CNTNAP2: variants seen among roughly 807,000 people sequenced by gnomAD.
CNTNAP2 encodes contactin associated protein 2.
In CNTNAP2, 98 loss-of-function variants were observed where a neutral mutation model predicts 155.2. The ratio of observed to expected loss-of-function variants is 0.63; its 90% confidence interval spans 0.54 to 0.75. The LOEUF (loss-of-function observed/expected upper bound fraction) is 0.75, where lower values mean the gene tolerates loss of function less well. CNTNAP2 is among the 30% of genes least tolerant of loss of function. The pLI, the probability that CNTNAP2 is intolerant of heterozygous loss-of-function variation, is 0.00. For missense variants in CNTNAP2, 1,727 were observed against 1,688.1 expected, an observed-to-expected ratio of 1.02 and a Z score of -0.40; for synonymous variants, 651 against 631.2, an observed-to-expected ratio of 1.03 and a Z score of -0.47.
chr7:146,195,708 C>T (rs1218512794), intron 1 of CNTNAP2, among the ~76,000 whole-genome samples: 1 of 152,138 alleles, frequency 6.6e-6, no homozygotes, highest in Non-Finnish European at 1.5e-5. Context: ...GGTGACCAGC[C>T]AGCCCAGCAG....
Position 147,395,686 on chromosome 7 carries a change from G to A in CNTNAP2, c.1576G>A (p.Val526Met). 1.2e-6 allele frequency: 2 copies of A among 1,612,642 alleles called. No individual in the cohort carries two copies. ...CCAAGGATGCATGCAGCTCATTCAAGTGGACGATCAACTTGTAAATTTATA... is the reference window on the plus strand; with the variant it reads ...CCAAGGATGCATGCAGCTCATTCAAATGGACGATCAACTTGTAAATTTATA... Reference protein sequence around the residue: ...SFQGCMQLIQVDDQLVNLYEV... With the variant: ...SFQGCMQLIQMDDQLVNLYEV... The change falls in exon 10 of 24, where the codon GTG (valine) becomes ATG (methionine). Residue 526 changes from valine (V) to methionine (M), a missense_variant. Transcript: ENST00000361727.
At chr7:146,482,313 G>T (rs1363167594) in intron 1 of CNTNAP2, among the ~76,000 whole-genome samples, 1 of 151,192 alleles carries the variant, frequency 6.6e-6, no homozygotes, top group Non-Finnish European at 1.5e-5. Context: ...GTAAATTAAG[G>T]GCATGTATTC....
intron 1 of CNTNAP2, among the ~76,000 whole-genome samples, chr7:146,533,189 A>G (rs2129139557): frequency 6.6e-6 from 1 of 150,932 alleles, no homozygotes; most frequent in East Asian, 2.0e-4. Context: ...ATTTTGCAAA[A>G]ATTTTATGAA....
At chr7:146,705,200 C>T (rs913290194) in intron 1 of CNTNAP2, among the ~76,000 whole-genome samples, 1 of 152,088 alleles carries the variant, frequency 6.6e-6, no homozygotes, top group African/African-American at 2.4e-5. Context: ...TAACTTGCAT[C>T]ATCAGTTTGA....
At chr7:147,852,428 G>A in intron 13 of CNTNAP2, among the ~76,000 whole-genome samples, 1 of 152,200 alleles carries the variant, frequency 6.6e-6, no homozygotes, top group Middle Eastern at 3.4e-3. Context: ...GATTAGATGA[G>A]ACAAAACCCA....
chr7:148,075,783 C>T (rs1803472601), intron 15 of CNTNAP2, among the ~76,000 whole-genome samples: 1 of 152,232 alleles, frequency 6.6e-6, no homozygotes, highest in African/African-American at 2.4e-5. Context: ...TGTAATTCCA[C>T]AAATCCGTTG....
intron 21 of CNTNAP2, among the ~76,000 whole-genome samples, chr7:148,280,155 A>C (rs536855026): frequency 6.6e-6 from 1 of 152,148 alleles, no homozygotes; most frequent in East Asian, 1.9e-4. Flanking sequence ...TAAAAATATA[A>C]AAATTAGCCA....
chr7:146,396,342 T>C (rs1172180922), intron 1 of CNTNAP2, among the ~76,000 whole-genome samples: 1 of 152,120 alleles, frequency 6.6e-6, no homozygotes, highest in Non-Finnish European at 1.5e-5. Flanking sequence ...TTTAATCATA[T>C]GATATTTTAA....
At chr7:147,920,267 A>T (rs779252865) in intron 14 of CNTNAP2, among the ~76,000 whole-genome samples, 94 of 150,280 alleles carry the variant, frequency 6.3e-4, no homozygotes, top group Middle Eastern at 6.8e-3. Context: ...GAGGCAGGAG[A>T]ATCACTTGAA....
At chr7:148,334,807 C>G (rs1410729034) in intron 21 of CNTNAP2, among the ~76,000 whole-genome samples, 1 of 152,192 alleles carries the variant, frequency 6.6e-6, no homozygotes, top group Non-Finnish European at 1.5e-5. Flanking sequence ...GGAACTCCAG[C>G]AATCATTGGG....
At chr7:148,292,142 AAGAC>A (rs2116482439) in intron 21 of CNTNAP2, among the ~76,000 whole-genome samples, 1 of 152,306 alleles carries the variant, frequency 6.6e-6, no homozygotes, top group South Asian at 2.1e-4. Flanking sequence ...TTTTTTGTAA[AAGAC>A]AGGTTTTCAC....
intron 12 of CNTNAP2, among the ~76,000 whole-genome samples, chr7:147,567,980 G>A (rs1800207134): frequency 6.6e-6 from 1 of 152,174 alleles, no homozygotes; most frequent in Non-Finnish European, 1.5e-5. Flanking sequence ...CAGCTACACA[G>A]GAGGCTGAGA....
rs575629484 is a variant in CNTNAP2, at chr7:147,044,077, T to C, written c.550+23T>C. 42 of 1,613,870 alleles carry C rather than the reference T, an allele frequency of 2.6e-5. No homozygotes were observed. The Admixed American group carries it at 3.3e-4, about 13-fold the overall frequency. On this transcript the variant is annotated intron_variant, in intron 4 of 23. Coordinates refer to ENST00000361727, the MANE Select transcript of CNTNAP2 (RefSeq NM_014141.6). Reference sequence around the variant, plus strand: ...ACTGTGAGTATCGTATTGTTTAAATTTGTGGCAGGTTTTATCTTTATTTAA... The same window carrying C: ...ACTGTGAGTATCGTATTGTTTAAATCTGTGGCAGGTTTTATCTTTATTTAA...
At chr7:146,156,117 A>G (rs1455381032) in intron 1 of CNTNAP2, among the ~76,000 whole-genome samples, 1 of 152,144 alleles carries the variant, frequency 6.6e-6, no homozygotes, top group African/African-American at 2.4e-5. Flanking sequence ...CTGGAACATA[A>G]TTATATTTAA....
chr7:146,644,583 C>A (rs1476646029), intron 1 of CNTNAP2, among the ~76,000 whole-genome samples: 2 of 151,914 alleles, frequency 1.3e-5, no homozygotes, highest in Non-Finnish European at 2.9e-5. Context: ...ATTTTTGCAT[C>A]AATATTCATC....
At chr7:147,339,976 A>G (rs1795732768) in intron 9 of CNTNAP2, among the ~76,000 whole-genome samples, 2 of 152,254 alleles carry the variant, frequency 1.3e-5, no homozygotes, top group African/African-American at 2.4e-5. Context: ...CTGCATCTAC[A>G]TAAGTGCCGG....
At chr7:147,968,771 C>T (rs1801273345) in intron 14 of CNTNAP2, among the ~76,000 whole-genome samples, 1 of 152,150 alleles carries the variant, frequency 6.6e-6, no homozygotes, top group Non-Finnish European at 1.5e-5. Context: ...ATTCACCCTC[C>T]ACCATTCACA....
chr7:147,189,176 T>G (rs1471594606), intron 8 of CNTNAP2, among the ~76,000 whole-genome samples: 1 of 152,136 alleles, frequency 6.6e-6, no homozygotes, highest in Non-Finnish European at 1.5e-5. Context: ...AATAAATAAC[T>G]TTTTTAAGAA....
chr7:147,894,926 T>TATTG (rs1339774908), intron 13 of CNTNAP2, among the ~76,000 whole-genome samples: 2 of 148,972 alleles, frequency 1.3e-5, no homozygotes, highest in Non-Finnish European at 3.0e-5. Context: ...AACAGAAATC[T>TATTG]ATTGGTTTCT....
Sources: allele counts gnomAD v4.1 joint callset (sites outside exome capture counted in the v4.1 genomes callset), GRCh38; gene constraint gnomAD v4.1.1; transcripts MANE v1.5; gene names NCBI Gene and HGNC (gene_info 2026-07-23, HGNC 2026-07-21).